CDH12: variants seen among roughly 807,000 people sequenced by gnomAD.
CDH12 encodes cadherin 12.
In CDH12, 41 loss-of-function variants were observed where a neutral mutation model predicts 74.1. That is an observed-to-expected ratio of 0.55 (90% confidence interval 0.43 to 0.72). CDH12 has a LOEUF of 0.72. Ranked by LOEUF, CDH12 falls within the 30% of genes least tolerant of loss-of-function variation. The probability of loss-of-function intolerance (pLI) is 0.00; values close to 1 mark genes in which losing one functional copy is unlikely to be tolerated. For synonymous variants in CDH12, 399 were observed against 355.0 expected (o/e 1.12, Z -1.39); for missense variants, 945 against 977.2 (o/e 0.97, Z 0.44).
chr5:22,581,761 T>C (rs1740113782), intron 1 of CDH12, among the ~76,000 whole-genome samples: 1 of 152,190 alleles, frequency 6.6e-6, no homozygotes, highest in African/African-American at 2.4e-5. Context: ...CTTAATCTGA[T>C]AGGTTTTCCT....
intron 3 of CDH12, among the ~76,000 whole-genome samples, chr5:22,306,250 G>C (rs950116705): frequency 6.6e-6 from 1 of 152,094 alleles, no homozygotes; most frequent in African/African-American, 2.4e-5. Context: ...TTTATTCATC[G>C]GAGTGTAACA....
chr5:22,409,387 A>G (rs1743085600), intron 2 of CDH12, among the ~76,000 whole-genome samples: 1 of 152,038 alleles, frequency 6.6e-6, no homozygotes, highest in Admixed American at 6.6e-5. Context: ...TAATAAAATA[A>G]AAAGAGAAAG....
At chr5:22,186,572 G>A (rs1749960663) in intron 4 of CDH12, among the ~76,000 whole-genome samples, 1 of 152,174 alleles carries the variant, frequency 6.6e-6, no homozygotes, top group African/African-American at 2.4e-5. Context: ...CCGGGTTCAA[G>A]TGATGCTCCT....
intron 3 of CDH12, among the ~76,000 whole-genome samples, chr5:22,246,906 T>C (rs1168111076): frequency 3.3e-5 from 5 of 152,194 alleles, no homozygotes; most frequent in African/African-American, 1.2e-4. Flanking sequence ...AAATTTTCAA[T>C]TAACAAAGTT....
chr5:22,373,966 A>C (rs1003792848), intron 3 of CDH12, among the ~76,000 whole-genome samples: 2 of 152,204 alleles, frequency 1.3e-5, no homozygotes, highest in Non-Finnish European at 2.9e-5. Context: ...CAAAATCCTG[A>C]ATAAATAATT....
At chr5:21,820,034 G>C (rs1748278845) in intron 8 of CDH12, among the ~76,000 whole-genome samples, 1 of 151,908 alleles carries the variant, frequency 6.6e-6, no homozygotes, top group Admixed American at 6.6e-5. Flanking sequence ...CTCTCTAATG[G>C]ATTATGGTTA....
chr5:22,522,932 A>G (rs928504741), intron 1 of CDH12, among the ~76,000 whole-genome samples: 1 of 152,130 alleles, frequency 6.6e-6, no homozygotes, highest in Admixed American at 6.6e-5. Flanking sequence ...AAATTTCTTG[A>G]AAAAAGAGTC....
At chr5:22,034,115 C>T (rs1212692725) in intron 5 of CDH12, among the ~76,000 whole-genome samples, 1 of 152,134 alleles carries the variant, frequency 6.6e-6, no homozygotes, top group Non-Finnish European at 1.5e-5. Context: ...GCTATCTCGG[C>T]TCACTGCAAC....
chr5:22,001,459 TCTTTTGGGG>T (rs1736596495), intron 5 of CDH12, among the ~76,000 whole-genome samples: 2 of 152,056 alleles, frequency 1.3e-5, no homozygotes, highest in Non-Finnish European at 2.9e-5. Flanking sequence ...ATGGGAAAAA[TCTTTTGGGG>T]CTTTTTAGGA....
intron 2 of CDH12, among the ~76,000 whole-genome samples, chr5:22,475,752 AG>A (rs1398781898): frequency 1.3e-5 from 2 of 152,086 alleles, no homozygotes; most frequent in Non-Finnish European, 2.9e-5. Context: ...CATATATTAT[AG>A]TTGAAAAGAA....
chr5:22,015,268 G>A (rs570560870), intron 5 of CDH12, among the ~76,000 whole-genome samples: 9 of 152,220 alleles, frequency 5.9e-5, no homozygotes. Flanking sequence ...CATTCAGTGA[G>A]TTTTTTGTAC....
chr5:22,335,667 C>T (rs1456918006), intron 3 of CDH12, among the ~76,000 whole-genome samples: 1 of 151,988 alleles, frequency 6.6e-6, no homozygotes, highest in Non-Finnish European at 1.5e-5. Context: ...CCATGTAAAA[C>T]GTGACTTGCT....
At chr5:22,278,982 C>T (rs915254007) in intron 3 of CDH12, among the ~76,000 whole-genome samples, 1 of 152,034 alleles carries the variant, frequency 6.6e-6, no homozygotes, top group Non-Finnish European at 1.5e-5. Context: ...AAATAACTTC[C>T]ACTTCAATGT....
intron 3 of CDH12, among the ~76,000 whole-genome samples, chr5:22,315,267 T>C (rs1738583826): frequency 6.6e-6 from 1 of 151,848 alleles, no homozygotes; most frequent in African/African-American, 2.4e-5. Context: ...CGGCCTGGGC[T>C]GTTTGTTCTT....
At chr5:22,114,205 C>A (rs1427496124) in intron 4 of CDH12, among the ~76,000 whole-genome samples, 1 of 152,188 alleles carries the variant, frequency 6.6e-6, no homozygotes, top group Non-Finnish European at 1.5e-5. Context: ...GCATTGAATT[C>A]TGTCTGTTTC....
At chr5:21,911,639 C>T (rs191234104) in intron 6 of CDH12, among the ~76,000 whole-genome samples, 1 of 151,942 alleles carries the variant, frequency 6.6e-6, no homozygotes, top group South Asian at 2.1e-4. Context: ...ACTAAGGATG[C>T]ACGACATTTT....
intron 2 of CDH12, among the ~76,000 whole-genome samples, chr5:22,471,486 C>T (rs2662497): frequency 0.55 from 84,226 of 151,962 alleles, 23,527 homozygotes; most frequent in Admixed American, 0.69. Context: ...GCAATACTAT[C>T]TCCTATCTTA....
chr5:22,403,467 A>G (rs1039547327), intron 3 of CDH12, among the ~76,000 whole-genome samples: 2 of 152,200 alleles, frequency 1.3e-5, no homozygotes, highest in Admixed American at 1.3e-4. Flanking sequence ...AGAGACAATC[A>G]ATTGATTCAT....
At chr5:22,425,156 T>TATATATATATAAAAAA (rs776055472) in intron 2 of CDH12, among the ~76,000 whole-genome samples, 1 of 126,248 alleles carries the variant, frequency 7.9e-6, no homozygotes, top group Non-Finnish European at 1.7e-5. Context: ...TGTGTGTGTA[T>TATATATATATAAAAAA]ATATATATAT....
Sources: gnomAD v4.1 joint callset for allele counts (sites outside exome capture counted in the v4.1 genomes callset) on GRCh38, gnomAD v4.1.1 for gene constraint, MANE v1.5 for transcripts, NCBI Gene and HGNC (gene_info 2026-07-23, HGNC 2026-07-21) for gene names.